Variants in ATP2C2 observed in about 807,000 individuals in gnomAD.
ATP2C2 encodes the protein calcium-transporting ATPase type 2C member 2.
Under a neutral mutation model 110.8 loss-of-function variants are expected in ATP2C2, and 171 were observed. The ratio of observed to expected loss-of-function variants is 1.54; its 90% CI spans 1.36 to 1.75. The LOEUF is 1.75. Among genes scored for constraint, ATP2C2 ranks in the 40% most tolerant of loss-of-function variants. The pLI is 0.00. For synonymous variants in ATP2C2, 804 were observed against 508.4 expected (o/e 1.58, Z -7.82); for missense variants, 1,963 against 1,235.0 (o/e 1.59, Z -8.84).
chr16:84,436,481 G>A (rs999269519), intron 11 of ATP2C2, among the ~76,000 whole-genome samples: 1 of 152,156 alleles, frequency 6.6e-6, no homozygotes, highest in Non-Finnish European at 1.5e-5. Context: ...GTGGCTGTGG[G>A]TGGGTTGCAG....
rs1020344231 is a variant in ATP2C2, at chr16:84,446,491, A to C, written c.1503+61A>C. 9 of 1,211,886 alleles carry C rather than the reference A, an allele frequency of 7.4e-6. No homozygotes were observed. In the African/African-American group the frequency reaches 1.3e-4, roughly 17 times the overall value. 75.1% of individuals were successfully genotyped at this position (1,211,886 alleles called of 1,614,324 possible). A position where few individuals can be genotyped will look rare whatever the true frequency, so the allele number is the denominator to read the frequency against. On this transcript the variant is annotated intron_variant, in intron 16 of 26. Coordinates refer to ENST00000262429, the MANE Select transcript of ATP2C2 (RefSeq NM_014861.4). Reference sequence around the variant, plus strand: ...CTGCCCGGGCCCCCACCCAGAGATAAAGCAAAATGCAGACTTCAAGGATAA... The same window carrying C: ...CTGCCCGGGCCCCCACCCAGAGATACAGCAAAATGCAGACTTCAAGGATAA...
At position 84,448,522 on chromosome 16, in the gene ATP2C2, T is replaced by C; in HGVS notation, c.1504-11T>C. On this transcript the variant is annotated splice_polypyrimidine_tract_variant and intron_variant, in intron 16 of 26. Coordinates refer to ENST00000262429, the MANE Select transcript of ATP2C2 (RefSeq NM_014861.4). Reference sequence around the variant, plus strand: ...AGTGATAGTGGATTTCTTCCCTTTGTCTTTTCTAAGGATCAGGAAGACATT... The same window carrying C: ...AGTGATAGTGGATTTCTTCCCTTTGCCTTTTCTAAGGATCAGGAAGACATT... The C allele has an allele frequency of 6.2e-7, 1 of 1,602,750 alleles. No individual in the cohort carries two copies. The highest frequency in any genetic ancestry group is 1.1e-5 in the South Asian group (1 of 90,234).
At chr16:84,415,423 A>C in intron 6 of ATP2C2, 60 bp from the exon 7 acceptor site, 3 of 1,343,970 alleles carry the variant, frequency 2.2e-6, no homozygotes, top group Non-Finnish European at 2.1e-6. Flanking sequence ...CAAATGTATC[A>C]AGGTGCATAA....
At chr16:84,385,215 G>A (rs1438378250) in intron 1 of ATP2C2, among the ~76,000 whole-genome samples, 2 of 152,178 alleles carry the variant, frequency 1.3e-5, no homozygotes. Context: ...GAGGAGTGAA[G>A]TGTCTTACAT....
chr16:84,463,485 C>T (rs1293930843), intron 26 of ATP2C2, 129 bp from the exon 27 acceptor site: 2 of 756,210 alleles, frequency 2.6e-6, no homozygotes, highest in South Asian at 1.6e-5. Context: ...TCCCTGCCTT[C>T]AGGGGAATGA....
Position 84,398,536 on chromosome 16 carries a change from A to T in ATP2C2, c.137A>T (p.Glu46Val), listed in dbSNP as rs1436960693. 1 of 1,613,156 alleles carries T rather than the reference A, an allele frequency of 6.2e-7. No homozygotes were observed. Among genetic ancestry groups the T allele is most frequent in the East Asian group, 2.2e-5 (1 of 44,856 alleles). ...EQSELKAIEK[E>V]KKVTALPPKE... The stretch of plus-strand genomic sequence containing the variant: ...AGTGAGCTGAAAGCCATCGAGAAAG[A>T]GAAGAAGGTGACAGCCCTGCCCCCC... Residue 46 changes from glutamate to valine, a missense_variant, in exon 2 of 27, where the codon GAG (glutamate) becomes GTG (valine). By Grantham distance (121) the Glu-to-Val change is moderately radical. Coordinates refer to ENST00000262429, the MANE Select transcript of ATP2C2 (RefSeq NM_014861.4).
At chr16:84,390,821 A>G (rs1391434808) in intron 1 of ATP2C2, among the ~76,000 whole-genome samples, 1 of 152,144 alleles carries the variant, frequency 6.6e-6, no homozygotes, top group Non-Finnish European at 1.5e-5. Context: ...GGGAAACACA[A>G]AAGAAAAGGG....
At chr16:84,383,735 C>CTGTGTGTGTGTGTGTGTGTG (rs143797673) in intron 1 of ATP2C2, among the ~76,000 whole-genome samples, 8,108 of 137,460 alleles carry the variant, frequency 0.059, 386 homozygotes, top group Middle Eastern at 0.092. Flanking sequence ...CTGAATACAT[C>CTGTGTGTGTGTGTGTGTGTG]TGTGTGTGTG....
At chr16:84,453,286 A>G in intron 19 of ATP2C2, 35 bp from the exon 20 acceptor site, 1 of 1,614,044 alleles carries the variant, frequency 6.2e-7, no homozygotes. Context: ...CAGCTTTGAA[A>G]TCTGATTCTT....
chr16:84,426,521 T>G (rs1339260539), intron 11 of ATP2C2, among the ~76,000 whole-genome samples: 1 of 152,150 alleles, frequency 6.6e-6, no homozygotes, highest in Non-Finnish European at 1.5e-5. Flanking sequence ...TCTGTTTAAA[T>G]TCTACGCTTG....
chr16:84,461,940 C>T lies in ATP2C2; in HGVS notation c.2581-48C>T, dbSNP rs544898791. 15 of 1,609,010 alleles carry T rather than the reference C, an allele frequency of 9.3e-6. No homozygotes were observed. In the Middle Eastern group the frequency reaches 5.0e-4, roughly 53 times the overall value. On this transcript the variant is annotated intron_variant, in intron 25 of 26. Coordinates refer to ENST00000262429, the MANE Select transcript of ATP2C2 (RefSeq NM_014861.4). ...GCAGTCAGAGCTCCCCTGCCTGTAC[C>T]TGGGGTGTGGACAGCACACAATCCC...
intron 11 of ATP2C2, among the ~76,000 whole-genome samples, chr16:84,429,983 C>T (rs1181987336): frequency 2.0e-5 from 3 of 152,158 alleles, no homozygotes; most frequent in Non-Finnish European, 4.4e-5. Context: ...CCTCTAGTCT[C>T]TGTCTGTCAC....
At chr16:84,393,809 A>G (rs895387740) in intron 1 of ATP2C2, among the ~76,000 whole-genome samples, 2 of 151,430 alleles carry the variant, frequency 1.3e-5, no homozygotes, top group African/African-American at 4.9e-5. Flanking sequence ...AGTCAGGAGG[A>G]CGGTTTCTAA....
At chr16:84,386,635 C>A (rs112389545) in intron 1 of ATP2C2, among the ~76,000 whole-genome samples, 1 of 152,184 alleles carries the variant, frequency 6.6e-6, no homozygotes, top group East Asian at 1.9e-4. Flanking sequence ...CACACACAGA[C>A]GCACACAGGT....
Position 84,397,571 on chromosome 16 carries a change from G to A in ATP2C2, c.100-928G>A, listed in dbSNP as rs73243715. 3.0e-3 allele frequency among the ~76,000 whole-genome samples: 447 copies of A among 147,228 alleles called. 6 individuals are homozygous for A. Among genetic ancestry groups the A allele is most frequent in the African/African-American group, 0.011 (431 of 40,052 alleles). On this transcript the variant is annotated intron_variant, in intron 1 of 26. Coordinates refer to ENST00000262429, the MANE Select transcript of ATP2C2 (RefSeq NM_014861.4). ...GCACCTGTGGTCCTGCTATTCAGGA[G>A]GCTGAAGCAGGAGGATCACCTGAGC...
At position 84,401,180 on chromosome 16, in the gene ATP2C2, T is replaced by A. The variant is rs577143891; in HGVS notation, c.210+2571T>A. Among the ~76,000 whole-genome samples, 5 of 152,094 alleles carry A rather than the reference T, an allele frequency of 3.3e-5. No individual in the cohort carries two copies. The South Asian group carries it at 1.0e-3, about 32-fold the overall frequency. On this transcript the variant is annotated intron_variant, in intron 2 of 26. Transcript: ENST00000262429. ...CTGGAGAGTTTCCCCGATGTTCTCTTGATAGTTTCATAGTCTGTGATCTTA... is the reference window on the plus strand; with the variant it reads ...CTGGAGAGTTTCCCCGATGTTCTCTAGATAGTTTCATAGTCTGTGATCTTA...
chr16:84,375,415 C>A (rs563352732), intron 1 of ATP2C2, among the ~76,000 whole-genome samples: 35 of 152,156 alleles, frequency 2.3e-4, no homozygotes, highest in African/African-American at 7.7e-4. Context: ...GTGGCATGTG[C>A]CTGTAATCCC....
chr16:84,390,524 G>C (rs1052086155), intron 1 of ATP2C2, among the ~76,000 whole-genome samples: 2 of 152,160 alleles, frequency 1.3e-5, no homozygotes, highest in Admixed American at 1.3e-4. Flanking sequence ...TAACATCTTG[G>C]GGGTTCCAAA....
intron 13 of ATP2C2, 93 bp downstream of exon 13, chr16:84,439,617 T>C: frequency 3.3e-6 from 4 of 1,215,516 alleles, no homozygotes; most frequent in Non-Finnish European, 4.8e-6. Flanking sequence ...TAGAACACAA[T>C]AAGGAAGAAA....
Sources: gnomAD v4.1 joint callset for allele counts (sites outside exome capture counted in the v4.1 genomes callset) on GRCh38, gnomAD v4.1.1 for gene constraint, MANE v1.5 for transcripts, NCBI Gene and HGNC (gene_info 2026-07-23, HGNC 2026-07-21) for gene names.